The following COL14A1 variants were observed in gnomAD, a reference collection of about 807,000 sequenced individuals.
The protein encoded by COL14A1 is collagen type XIV alpha 1 chain.
In COL14A1, 136 loss-of-function variants were observed where a neutral mutation model predicts 230.3. The observed-to-expected ratio is 0.59, with a 90% CI of 0.51 to 0.68. COL14A1 has a LOEUF of 0.68. COL14A1 is among the 30% of genes least tolerant of loss of function. COL14A1 has a pLI of 0.00. For missense variants in COL14A1, 1,976 were observed against 2,215.8 expected, an observed-to-expected ratio of 0.89 and a Z score of 2.17; for synonymous variants, 792 against 784.1, an observed-to-expected ratio of 1.01 and a Z score of -0.17.
intron 37 of COL14A1, among the ~76,000 whole-genome samples, chr8:120,311,257 C>T (rs1355533449): frequency 6.6e-6 from 1 of 152,176 alleles, no homozygotes; most frequent in Admixed American, 6.5e-5. Flanking sequence ...GGCCTCTTCT[C>T]AAGCAAGGGT....
At chr8:120,360,571 G>A (rs950362518) in intron 45 of COL14A1, among the ~76,000 whole-genome samples, 6 of 152,202 alleles carry the variant, frequency 3.9e-5, no homozygotes, top group Admixed American at 6.5e-5. Flanking sequence ...AGCAGATAAT[G>A]CCTGTTCTTC....
chr8:120,134,445 C>T (rs905802627), intron 1 of COL14A1, among the ~76,000 whole-genome samples: 1 of 151,956 alleles, frequency 6.6e-6, no homozygotes, highest in Non-Finnish European at 1.5e-5. Flanking sequence ...AAAACTTTTT[C>T]ATTTACATCA....
chr8:120,220,728 G>A (rs1218209511), intron 14 of COL14A1, among the ~76,000 whole-genome samples: 1 of 152,022 alleles, frequency 6.6e-6, no homozygotes, highest in Non-Finnish European at 1.5e-5. Context: ...AACGAAACAA[G>A]TATTTCAACA....
intron 14 of COL14A1, among the ~76,000 whole-genome samples, chr8:120,217,705 G>T (rs1817798443): frequency 1.3e-5 from 2 of 151,960 alleles, no homozygotes. Context: ...TGGATGAGTT[G>T]CTTTGTTATT....
intron 5 of COL14A1, among the ~76,000 whole-genome samples, chr8:120,188,491 G>T (rs1436690776): frequency 6.6e-6 from 1 of 152,184 alleles, no homozygotes; most frequent in South Asian, 2.1e-4. Context: ...AGAAGAGAAA[G>T]GGGATCATTT....
At chr8:120,214,092 T>G (rs1817684684) in intron 13 of COL14A1, 2 of 234,204 alleles carry the variant, frequency 8.5e-6, no homozygotes, top group East Asian at 1.4e-4. Context: ...TCAAGTTTTT[T>G]GCTTTGCTGG....
At chr8:120,334,595 C>A (rs1400634008) in intron 42 of COL14A1, among the ~76,000 whole-genome samples, 1 of 143,780 alleles carries the variant, frequency 7.0e-6, no homozygotes. Flanking sequence ...AACACACACA[C>A]ACACACACAC....
intron 9 of COL14A1, among the ~76,000 whole-genome samples, chr8:120,206,637 C>G (rs1817442222): frequency 6.6e-6 from 1 of 152,248 alleles, no homozygotes; most frequent in South Asian, 2.1e-4. Flanking sequence ...GCATGAACCA[C>G]TGTGCCTGGC....
chr8:120,340,134 G>A (rs189768153), intron 42 of COL14A1, among the ~76,000 whole-genome samples: 1 of 150,488 alleles, frequency 6.6e-6, no homozygotes, highest in Non-Finnish European at 1.5e-5. Flanking sequence ...GTGTGTGTGT[G>A]TATTGAATAG....
chr8:120,153,970 G>A (rs954661169), intron 2 of COL14A1, among the ~76,000 whole-genome samples: 9 of 152,026 alleles, frequency 5.9e-5, no homozygotes, highest in South Asian at 4.2e-4. Flanking sequence ...GACTTTAGCC[G>A]GGGGAGGATG....
At chr8:120,231,661 T>C (rs760180885) in intron 19 of COL14A1, 43 bp downstream of exon 19, 3 of 1,589,502 alleles carry the variant, frequency 1.9e-6, no homozygotes, top group Non-Finnish European at 1.7e-6. Context: ...CAGATGTTAC[T>C]AACACAGCTA....
At chr8:120,353,392 G>C (rs1468022529) in intron 45 of COL14A1, among the ~76,000 whole-genome samples, 1 of 98,474 alleles carries the variant, frequency 1.0e-5, no homozygotes, top group African/African-American at 4.3e-5. Context: ...TGACAAATGG[G>C]ATCTAATTAA....
intron 5 of COL14A1, among the ~76,000 whole-genome samples, chr8:120,179,296 T>C (rs753235923): frequency 2.6e-5 from 4 of 152,204 alleles, no homozygotes; most frequent in Non-Finnish European, 5.9e-5. Context: ...AACCCCATTA[T>C]CTCAGCCCAA....
chr8:120,290,435 A>G (rs1428892958), intron 34 of COL14A1, among the ~76,000 whole-genome samples: 2 of 152,192 alleles, frequency 1.3e-5, no homozygotes, highest in African/African-American at 4.8e-5. Flanking sequence ...TTGTGTTAAT[A>G]CTGTGTATTC....
intron 19 of COL14A1, among the ~76,000 whole-genome samples, chr8:120,238,849 G>A (rs1437702902): frequency 2.6e-5 from 4 of 152,128 alleles, no homozygotes; most frequent in Non-Finnish European, 5.9e-5. Context: ...GGCTTCCCTT[G>A]GCTAGGGGAG....
intron 45 of COL14A1, among the ~76,000 whole-genome samples, chr8:120,363,536 T>A (rs1823302931): frequency 6.6e-6 from 1 of 152,210 alleles, no homozygotes; most frequent in African/African-American, 2.4e-5. Context: ...CATTTACCTG[T>A]GTAGCAAACC....
At chr8:120,231,802 A>G in intron 19 of COL14A1, 184 bp downstream of exon 19, 1 of 583,152 alleles carries the variant, frequency 1.7e-6, no homozygotes, top group Non-Finnish European at 2.9e-6. Context: ...ATAAATCCAA[A>G]ACTTGCTCCA....
intron 35 of COL14A1, 92 bp from the exon 36 acceptor site, chr8:120,300,640 A>G (rs985794852): frequency 1.1e-6 from 1 of 952,324 alleles, no homozygotes; most frequent in Admixed American, 2.3e-5. Flanking sequence ...AAAATCTAAA[A>G]ATATCTTAAA....
intron 26 of COL14A1, among the ~76,000 whole-genome samples, chr8:120,274,905 A>G (rs1819790931): frequency 6.6e-6 from 1 of 151,966 alleles, no homozygotes; most frequent in Non-Finnish European, 1.5e-5. Context: ...TCTTATGAAA[A>G]TGATCATATT....
Sources: gnomAD v4.1 joint callset for allele counts (sites outside exome capture counted in the v4.1 genomes callset) on GRCh38, gnomAD v4.1.1 for gene constraint, MANE v1.5 for transcripts, NCBI Gene and HGNC (gene_info 2026-07-23, HGNC 2026-07-21) for gene names.